Variants in L2HGDH observed in about 807,000 individuals in gnomAD.
L2HGDH encodes L-2-hydroxyglutarate dehydrogenase.
A neutral mutation model predicts 51.5 loss-of-function variants in L2HGDH; 34 were observed. The ratio of observed to expected loss-of-function variants is 0.66; its 90% CI spans 0.50 to 0.88. The LOEUF is 0.88. Among genes scored for constraint, L2HGDH ranks in the 40% least tolerant of loss-of-function variants. L2HGDH has a pLI of 0.00. For missense variants in L2HGDH, 558 were observed against 571.9 expected (o/e 0.98, Z 0.25); for synonymous variants, 198 against 197.9 (o/e 1.00, Z -0.01).
intron 6 of L2HGDH, among the ~76,000 whole-genome samples, chr14:50,277,393 T>C (rs1350659329): frequency 6.6e-6 from 1 of 152,078 alleles, no homozygotes; most frequent in African/African-American, 2.4e-5. Flanking sequence ...ACTGAGTCCA[T>C]TTGGTTAAGC....
rs1297339527 is a variant in L2HGDH, at chr14:50,245,301, A to T, written c.*1757T>A. 13 of 984,758 alleles carry T rather than the reference A, an allele frequency of 1.3e-5. No homozygotes were observed. Among genetic ancestry groups the T allele is most frequent in the Non-Finnish European group, 1.6e-5 (13 of 829,420 alleles). 61.0% of individuals were successfully genotyped at this position (984,758 alleles called of 1,614,324 possible). On this transcript the variant is annotated 3_prime_UTR_variant, in exon 10 of 10. Coordinates refer to ENST00000267436, the MANE Select transcript of L2HGDH (RefSeq NM_024884.3). ...AATAACTTTTTTAAATTGGAGTTCT[A>T]TACATCAGTGTCAGGATTCTAAAAC...
At chr14:50,283,730 T>C in intron 5 of L2HGDH, 141 bp downstream of exon 5, 1 of 655,918 alleles carries the variant, frequency 1.5e-6, no homozygotes. Context: ...TTTTTATTTG[T>C]ATTATGTATT....
intron 3 of L2HGDH, among the ~76,000 whole-genome samples, chr14:50,295,758 T>G (rs2139196840): frequency 6.7e-6 from 1 of 149,068 alleles, no homozygotes; most frequent in Non-Finnish European, 1.5e-5. Flanking sequence ...TTTTTTTTTT[T>G]TTTTAATTTC....
intron 1 of L2HGDH, among the ~76,000 whole-genome samples, chr14:50,309,066 G>C (rs1306255019): frequency 1.3e-5 from 2 of 152,146 alleles, no homozygotes; most frequent in African/African-American, 4.8e-5. Flanking sequence ...TCCTTTGGGA[G>C]ATATGCAGTT....
intron 4 of L2HGDH, among the ~76,000 whole-genome samples, chr14:50,290,972 G>A (rs1475866042): frequency 3.3e-5 from 5 of 151,994 alleles, no homozygotes; most frequent in African/African-American, 9.7e-5. Context: ...GGCCGAGGTG[G>A]GCGGATCACA....
chr14:50,242,626 A>C lies in L2HGDH; in HGVS notation c.*4432T>G. ...ATTTCCATTCTTAAGCTATTTAATG[A>C]GTACAAACTATTTGAAAACATCTCG... On this transcript the variant is annotated 3_prime_UTR_variant, in exon 10 of 10. Coordinates refer to ENST00000267436, the MANE Select transcript of L2HGDH (RefSeq NM_024884.3). 1.0e-6 allele frequency: 1 copy of C among 985,302 alleles called. No homozygotes were observed. Among genetic ancestry groups the C allele is most frequent in the Non-Finnish European group, 1.2e-6 (1 of 829,796 alleles). 61.0% of individuals were successfully genotyped at this position (985,302 alleles called of 1,614,324 possible).
At chr14:50,295,065 A>T (rs990300844) in intron 3 of L2HGDH, among the ~76,000 whole-genome samples, 3 of 152,234 alleles carry the variant, frequency 2.0e-5, no homozygotes, top group African/African-American at 7.2e-5. Flanking sequence ...GACAACCCAC[A>T]CAATGAGAAA....
intron 4 of L2HGDH, among the ~76,000 whole-genome samples, chr14:50,284,955 T>C (rs2139165944): frequency 6.6e-6 from 1 of 152,254 alleles, no homozygotes; most frequent in African/African-American, 2.4e-5. Flanking sequence ...CTTAGAAGAT[T>C]TTCATTTTGC....
intron 3 of L2HGDH, among the ~76,000 whole-genome samples, chr14:50,298,704 C>G (rs2030227347): frequency 1.3e-5 from 2 of 152,044 alleles, no homozygotes; most frequent in South Asian, 4.1e-4. Context: ...AATAAACAAA[C>G]AAGCAAACAA....
At chr14:50,290,908 T>C (rs1445588820) in intron 4 of L2HGDH, among the ~76,000 whole-genome samples, 2 of 152,122 alleles carry the variant, frequency 1.3e-5, no homozygotes, top group African/African-American at 4.8e-5. Flanking sequence ...GTAAAAAACA[T>C]TTTTAGCATG....
At chr14:50,288,057 T>C (rs1289897949) in intron 4 of L2HGDH, among the ~76,000 whole-genome samples, 2 of 152,192 alleles carry the variant, frequency 1.3e-5, no homozygotes, top group Non-Finnish European at 1.5e-5. Context: ...CAATGTGTAA[T>C]GATCAAATCA....
chr14:50,255,547 A>AT (rs1888616042), intron 9 of L2HGDH, among the ~76,000 whole-genome samples: 1 of 150,932 alleles, frequency 6.6e-6, no homozygotes, highest in African/African-American at 2.4e-5. Flanking sequence ...CAAAAAAAAA[A>AT]AAAAAAGAAA....
rs773202214 is a variant in L2HGDH at position 50,312,122 on chromosome 14, C to G, written c.29G>C (p.Gly10Ala). The change falls in exon 1 of 10, where the codon GGT (glycine) becomes GCT (alanine). Residue 10 changes from glycine to alanine, a missense_variant. Physicochemically the swap from Gly to Ala is moderately conservative, Grantham distance 60 (BLOSUM62 0). Around this residue, in one of 3 missense-constraint regions of L2HGDH, gnomAD observed 194 missense variants for 187.2 expected, o/e 1.04. Transcript: ENST00000267436. MVPALRYLV[G>A]ACGRARGLFA... ...AAGCCCGCGGGCCCGTCCGCAGGCA[C>G]CAACCAAATAACGCAGCGCTGGCAC... 2.5e-6 allele frequency: 4 copies of G among 1,610,292 alleles called. No individual in the cohort carries two copies. In the South Asian group the frequency reaches 3.3e-5, roughly 13 times the overall value.
At chr14:50,261,645 C>G (rs1051384924) in intron 9 of L2HGDH, among the ~76,000 whole-genome samples, 6 of 151,402 alleles carry the variant, frequency 4.0e-5, no homozygotes, top group Non-Finnish European at 1.5e-5. Flanking sequence ...ACCTGCCCAG[C>G]TAATTAAAAA....
chr14:50,281,734 T>C (rs1195285210), intron 5 of L2HGDH, among the ~76,000 whole-genome samples: 1 of 152,254 alleles, frequency 6.6e-6, no homozygotes, highest in African/African-American at 2.4e-5. Context: ...TTCCTGGTTG[T>C]TCAAACTAGT....
At chr14:50,281,362 G>A (rs1184044075) in intron 5 of L2HGDH, among the ~76,000 whole-genome samples, 1 of 152,122 alleles carries the variant, frequency 6.6e-6, no homozygotes, top group East Asian at 1.9e-4. Context: ...GGAGGCTGAG[G>A]CAGGAAGATC....
intron 9 of L2HGDH, among the ~76,000 whole-genome samples, chr14:50,264,235 G>A (rs1311880683): frequency 2.6e-5 from 4 of 151,948 alleles, no homozygotes; most frequent in African/African-American, 7.2e-5. Context: ...AAAATTAGCC[G>A]GGCGTGGTGG....
At chr14:50,297,916 C>T (rs901710511) in intron 3 of L2HGDH, among the ~76,000 whole-genome samples, 6 of 146,428 alleles carry the variant, frequency 4.1e-5, no homozygotes, top group East Asian at 2.0e-4. Context: ...ACTTGAGCAA[C>T]GGAGGGAGAT....
At chr14:50,285,851 CTTCTT>C (rs1006625966) in intron 4 of L2HGDH, among the ~76,000 whole-genome samples, 8 of 152,314 alleles carry the variant, frequency 5.3e-5, no homozygotes, top group African/African-American at 1.9e-4. Context: ...GAAGGTGTCT[CTTCTT>C]TTCTTTCTCT....
Sources: gnomAD v4.1 joint callset for allele counts (sites outside exome capture counted in the v4.1 genomes callset) on GRCh38, gnomAD v4.1.1 for gene constraint, gnomAD v4.1.1 regional missense constraint, MANE v1.5 for transcripts, NCBI Gene and HGNC (gene_info 2026-07-23, HGNC 2026-07-21) for gene names.